Variants in RABGAP1 observed in about 807,000 individuals in gnomAD.
RABGAP1 encodes RAB GTPase activating protein 1.
In RABGAP1, 23 loss-of-function variants were observed where a neutral mutation model predicts 137.6. That is an observed-to-expected ratio of 0.17 (90% CI 0.12 to 0.24). RABGAP1 has a LOEUF of 0.24. RABGAP1 is among the 10% of genes least tolerant of loss of function. RABGAP1 has a pLI of 1.00. For missense variants in RABGAP1, 906 were observed against 1,275.8 expected, an observed-to-expected ratio of 0.71 and a Z score of 4.42; for synonymous variants, 451 against 450.7, an observed-to-expected ratio of 1.00 and a Z score of -0.01.
intron 21 of RABGAP1, among the ~76,000 whole-genome samples, chr9:123,092,732 T>C (rs1396218341): frequency 3.3e-5 from 5 of 152,236 alleles, no homozygotes; most frequent in Admixed American, 2.6e-4. Flanking sequence ...CTATATATTA[T>C]CAAATCCTCA....
At chr9:123,080,890 A>G (rs76960450) in intron 19 of RABGAP1, among the ~76,000 whole-genome samples, 3,587 of 152,322 alleles carry the variant, frequency 0.024, 63 homozygotes, top group Non-Finnish European at 0.038. Context: ...ACATGGTATG[A>G]ACCGCATGGG....
At chr9:123,015,103 T>C (rs1398276091) in intron 11 of RABGAP1, among the ~76,000 whole-genome samples, 1 of 152,204 alleles carries the variant, frequency 6.6e-6, no homozygotes, top group African/African-American at 2.4e-5. Context: ...AACATGCAAT[T>C]GCATTATATA....
intron 11 of RABGAP1, among the ~76,000 whole-genome samples, chr9:123,012,017 G>A (rs188275159): frequency 7.2e-5 from 11 of 152,284 alleles, no homozygotes; most frequent in African/African-American, 2.6e-4. Flanking sequence ...TTTGCCCAAG[G>A]TTACACAGCT....
At chr9:123,061,192 C>T (rs1283497544) in intron 13 of RABGAP1, among the ~76,000 whole-genome samples, 1 of 152,164 alleles carries the variant, frequency 6.6e-6, no homozygotes, top group African/African-American at 2.4e-5. Flanking sequence ...AGTCTTGGCT[C>T]ACTGCAACCT....
At position 123,103,928 on chromosome 9, in the gene RABGAP1, T is replaced by TATA. The variant is rs1235977458; in HGVS notation, c.*717_*719dup. On this transcript the variant is annotated 3_prime_UTR_variant, in exon 26 of 26. Transcript: ENST00000373647. ...GGGTGACTTGACTGTGAGACTGGAT[T>TATA]ATAACATGGACAAATCTTATTTTGC... 7 of 151,382 alleles carry TATA rather than the reference T, an allele frequency of 4.6e-5. No individual in the cohort carries two copies. The highest frequency in any genetic ancestry group is 1.0e-4 in the Non-Finnish European group (7 of 67,896). 9.4% of individuals were successfully genotyped at this position (151,382 alleles called of 1,614,324 possible).
intron 2 of RABGAP1, among the ~76,000 whole-genome samples, chr9:122,967,617 A>G (rs1320797080): frequency 1.3e-5 from 2 of 152,224 alleles, no homozygotes; most frequent in Non-Finnish European, 2.9e-5. Flanking sequence ...GTAAACTTTC[A>G]AAGTAGTTTG....
At chr9:123,100,607 G>A (rs879333372) in intron 24 of RABGAP1, among the ~76,000 whole-genome samples, 3 of 152,074 alleles carry the variant, frequency 2.0e-5, no homozygotes, top group African/African-American at 4.8e-5. Context: ...TTTTAGTAGA[G>A]GTAGGGTTTC....
At chr9:122,944,235 T>G (rs1833798243) in intron 1 of RABGAP1, among the ~76,000 whole-genome samples, 1 of 152,122 alleles carries the variant, frequency 6.6e-6, no homozygotes, top group Non-Finnish European at 1.5e-5. Context: ...CACACTTTTT[T>G]TTTTTTTTAA....
At chr9:123,050,667 T>C (rs2033413876) in intron 13 of RABGAP1, among the ~76,000 whole-genome samples, 1 of 152,252 alleles carries the variant, frequency 6.6e-6, no homozygotes, top group South Asian at 2.1e-4. Context: ...GATTTGACTA[T>C]GTAATTGACT....
At chr9:122,982,064 AAG>A (rs1228160664) in intron 2 of RABGAP1, among the ~76,000 whole-genome samples, 2 of 152,068 alleles carry the variant, frequency 1.3e-5, no homozygotes, top group African/African-American at 4.8e-5. Flanking sequence ...AAAAAAAAAA[AAG>A]TATGTGTACT....
chr9:122,984,380 G>C, intron 2 of RABGAP1, 105 bp from the exon 3 acceptor site: 1 of 919,648 alleles, frequency 1.1e-6, no homozygotes, highest in Non-Finnish European at 1.6e-6. Context: ...AGATATCTTT[G>C]TATCAAAAGA....
intron 16 of RABGAP1, among the ~76,000 whole-genome samples, 189 bp downstream of exon 16, chr9:123,073,866 C>T (rs2034432657): frequency 6.6e-6 from 1 of 152,106 alleles, no homozygotes; most frequent in Non-Finnish European, 1.5e-5. Context: ...ACTTTCACAC[C>T]TCATGGATGT....
chr9:123,031,575 TATTAAAAATTGAAAGGAG>T (rs1476966935), intron 13 of RABGAP1, among the ~76,000 whole-genome samples: 6 of 152,182 alleles, frequency 3.9e-5, no homozygotes, highest in Admixed American at 3.9e-4. Flanking sequence ...ATGGTAAGTG[TATTAAAAATTGAAAGGAG>T]GAAATGCATT....
intron 13 of RABGAP1, among the ~76,000 whole-genome samples, chr9:123,044,888 T>C (rs2033138016): frequency 1.3e-5 from 2 of 152,184 alleles, no homozygotes; most frequent in Non-Finnish European, 1.5e-5. Context: ...TGAGATTTCG[T>C]AAAGTATCCA....
intron 1 of RABGAP1, among the ~76,000 whole-genome samples, chr9:122,944,640 G>A (rs571986794): frequency 5.3e-5 from 8 of 151,602 alleles, no homozygotes; most frequent in Non-Finnish European, 8.8e-5. Context: ...GCGTGATCTC[G>A]GCTCACTGCA....
At chr9:122,951,967 T>C (rs566516785) in intron 1 of RABGAP1, among the ~76,000 whole-genome samples, 91 of 152,338 alleles carry the variant, frequency 6.0e-4, no homozygotes, top group African/African-American at 2.2e-3. Flanking sequence ...GAGCAGTGAC[T>C]GTAGGCAAAA....
At chr9:123,043,567 A>G (rs1015239943) in intron 13 of RABGAP1, among the ~76,000 whole-genome samples, 3 of 151,604 alleles carry the variant, frequency 2.0e-5, no homozygotes, top group Admixed American at 6.6e-5. Context: ...GTTGCTGTGT[A>G]TAGTTTGGTG....
At chr9:123,035,541 T>C in intron 13 of RABGAP1, 6 of 1,614,024 alleles carry the variant, frequency 3.7e-6, no homozygotes, top group Non-Finnish European at 5.1e-6. Context: ...TGTGTACTTC[T>C]TGTGCAAGTC....
At chr9:122,953,949 C>T (rs1834384142) in intron 1 of RABGAP1, among the ~76,000 whole-genome samples, 1 of 152,170 alleles carries the variant, frequency 6.6e-6, no homozygotes, top group Non-Finnish European at 1.5e-5. Flanking sequence ...AAAAGCCTGC[C>T]CTCATGAACC....
Sources: allele counts gnomAD v4.1 joint callset (sites outside exome capture counted in the v4.1 genomes callset), GRCh38; gene constraint gnomAD v4.1.1; transcripts MANE v1.5; gene names NCBI Gene and HGNC (gene_info 2026-07-23, HGNC 2026-07-21).